The following ANO2 variants were observed in gnomAD, a reference collection of about 807,000 sequenced individuals.
The protein encoded by ANO2 is anoctamin 2.
Under a neutral mutation model 124.2 loss-of-function variants are expected in ANO2, and 101 were observed. The ratio of observed to expected loss-of-function variants is 0.81; its 90% CI spans 0.69 to 0.96. ANO2 has a LOEUF of 0.96. Among genes scored for constraint, ANO2 ranks in the 40% least tolerant of loss-of-function variants. The pLI, the probability that ANO2 is intolerant of heterozygous loss-of-function variation, is 0.00. For missense variants in ANO2, 1,293 were observed against 1,274.5 expected (o/e 1.01, Z -0.22); for synonymous variants, 486 against 482.5 (o/e 1.01, Z -0.09).
rs1295548879 is a variant in ANO2, at chr12:5,769,636, T to C, written c.1056-18666A>G. On this transcript the variant is annotated intron_variant, in intron 10 of 24. Transcript: ENST00000682330. This position sits in a 1 kb window ranked among gnomAD's most constrained non-coding sequence, Gnocchi z 4.0. ...CTACCTGTACATTCCTATCCGTGGG[T>C]GGTGGATGGACCTCCATTAACAGCC... Among the ~76,000 whole-genome samples, 1 of 152,120 alleles carries C rather than the reference T, an allele frequency of 6.6e-6. No homozygotes were observed. The highest frequency in any genetic ancestry group is 1.9e-4 in the East Asian group (1 of 5,188).
At chr12:5,863,496 C>T (rs1283149086) in intron 3 of ANO2, among the ~76,000 whole-genome samples, 2 of 152,162 alleles carry the variant, frequency 1.3e-5, no homozygotes, top group Admixed American at 6.5e-5. Flanking sequence ...CCAAAGCTCT[C>T]TCGGATTGAC....
At chr12:5,630,099 G>A (rs1945636646) in intron 16 of ANO2, among the ~76,000 whole-genome samples, 1 of 152,224 alleles carries the variant, frequency 6.6e-6, no homozygotes, top group African/African-American at 2.4e-5. Flanking sequence ...ATGCTCCCAG[G>A]AAACTGGTCT....
upstream of ANO2, among the ~76,000 whole-genome samples, chr12:5,945,720 A>G (rs1591824450): frequency 6.6e-6 from 1 of 152,216 alleles, no homozygotes. Flanking sequence ...TGGACGGCGG[A>G]TCTCCCACAC....
chr12:5,822,677 G>A (rs1217918301), intron 7 of ANO2, among the ~76,000 whole-genome samples: 3 of 152,194 alleles, frequency 2.0e-5, no homozygotes, highest in Non-Finnish European at 1.5e-5. Context: ...TTCCATCATG[G>A]AAAGGGCAGA....
chr12:5,708,699 G>A (rs1949706063), intron 14 of ANO2, among the ~76,000 whole-genome samples: 1 of 152,172 alleles, frequency 6.6e-6, no homozygotes, highest in Non-Finnish European at 1.5e-5. Context: ...TAAGCCCCAT[G>A]TTATAAAGAT....
At chr12:5,823,736 G>T (rs1319244461) in intron 7 of ANO2, among the ~76,000 whole-genome samples, 1 of 152,260 alleles carries the variant, frequency 6.6e-6, no homozygotes. Flanking sequence ...TAGGGACTCT[G>T]TGTGGAAGCT....
intron 4 of ANO2, among the ~76,000 whole-genome samples, chr12:5,853,406 A>G (rs1040382858): frequency 9.2e-5 from 14 of 152,096 alleles, no homozygotes; most frequent in African/African-American, 3.4e-4. Flanking sequence ...GATGTGCATC[A>G]TCCTGGGGAT....
Position 5,583,424 on chromosome 12 carries a change from C to T in ANO2, c.2234-4906G>A, listed in dbSNP as rs993756550. 2.5e-4 allele frequency among the ~76,000 whole-genome samples: 38 copies of T among 152,064 alleles called. No homozygotes were observed. In the East Asian group the frequency reaches 3.1e-3, roughly 12 times the overall value. ...ATCCCAGCACTTTGGGAGGCCGAGG[C>T]GGGCGGATCACAAGGTCAGGAGATC... On this transcript the variant is annotated intron_variant, in intron 20 of 24. Transcript: ENST00000682330.
At chr12:5,872,897 G>T (rs1937795454) in intron 3 of ANO2, among the ~76,000 whole-genome samples, 2 of 152,248 alleles carry the variant, frequency 1.3e-5, no homozygotes, top group South Asian at 4.1e-4. Flanking sequence ...CACCTTTCAT[G>T]GGACCATTGT....
At chr12:5,892,319 G>A (rs1389145440) in intron 3 of ANO2, among the ~76,000 whole-genome samples, 2 of 152,150 alleles carry the variant, frequency 1.3e-5, no homozygotes, top group African/African-American at 4.8e-5. Context: ...TAATGCCACT[G>A]AAGCTCCAGA....
intron 2 of ANO2, 150 bp from the exon 3 acceptor site, chr12:5,921,516 C>T (rs1941701262): frequency 1.6e-5 from 12 of 756,182 alleles, no homozygotes; most frequent in East Asian, 1.4e-4. Flanking sequence ...GTAAAAGGAC[C>T]GAATGGCCTA....
chr12:5,935,887 C>T (rs560756608), intron 1 of ANO2, among the ~76,000 whole-genome samples: 2 of 152,298 alleles, frequency 1.3e-5, no homozygotes, highest in African/African-American at 4.8e-5. Flanking sequence ...TAGAGAATCA[C>T]TAACAGAGTC....
chr12:5,804,608 G>A (rs377561264), intron 9 of ANO2, among the ~76,000 whole-genome samples: 20 of 152,278 alleles, frequency 1.3e-4, no homozygotes, highest in African/African-American at 4.1e-4. Flanking sequence ...CAGGTGGAGT[G>A]GACCCTGACT....
At chr12:5,853,087 C>A (rs1446313879) in intron 4 of ANO2, among the ~76,000 whole-genome samples, 2 of 151,868 alleles carry the variant, frequency 1.3e-5, no homozygotes, top group South Asian at 2.1e-4. Context: ...TCTGTGAGCA[C>A]ATGCTTCCTT....
At position 5,703,143 on chromosome 12, in the gene ANO2, G is replaced by T. The variant is rs941248777; in HGVS notation, c.1545+29377C>A. On this transcript the variant is annotated intron_variant, in intron 14 of 24. Transcript: ENST00000682330. ...ATAAATGATGGCATATTAATCCATAGAATATGGTAATTCAGTTGAGATGAA... is the reference window on the plus strand; with the variant it reads ...ATAAATGATGGCATATTAATCCATATAATATGGTAATTCAGTTGAGATGAA... 6.6e-5 allele frequency among the ~76,000 whole-genome samples: 10 copies of T among 152,296 alleles called. No homozygotes were observed. In the East Asian group the frequency reaches 1.9e-3, roughly 29 times the overall value.
rs1942046577 is a variant in ANO2, at chr12:5,925,598, C to G, written c.23-2794G>C. Among the ~76,000 whole-genome samples the G allele has an allele frequency of 6.6e-6, 1 of 152,234 alleles. No homozygotes were observed. The stretch of plus-strand genomic sequence containing the variant: ...GGGAAGGGTGAGGCAGGTGAGCACA[C>G]ACCTTGAGAACTCCCTAAGAAGCTT... On this transcript the variant is annotated intron_variant, in intron 1 of 24. Coordinates refer to ENST00000682330, the MANE Select transcript of ANO2 (RefSeq NM_001364791.2). The surrounding 1 kb of genome is among the most constrained non-coding windows in gnomAD (Gnocchi z 4.6).
intron 14 of ANO2, among the ~76,000 whole-genome samples, chr12:5,732,227 T>G (rs1950670673): frequency 6.6e-6 from 1 of 152,116 alleles, no homozygotes; most frequent in South Asian, 2.1e-4. Flanking sequence ...TTATTATTAT[T>G]CAATATTTAG....
rs1947264281 is a variant in ANO2 at position 5,658,316 on chromosome 12, G to T, written c.1546-10515C>A. ...TGGAGATGAAATGAGGTAATGCATGGAATATACATAGAACTGTCCCTGGCA... is the reference window on the plus strand; with the variant it reads ...TGGAGATGAAATGAGGTAATGCATGTAATATACATAGAACTGTCCCTGGCA... On this transcript the variant is annotated intron_variant, in intron 14 of 24. Coordinates refer to ENST00000682330, the MANE Select transcript of ANO2 (RefSeq NM_001364791.2). The surrounding 1 kb of genome is among the most constrained non-coding windows in gnomAD (Gnocchi z 4.3). Among the ~76,000 whole-genome samples, 1 of 152,156 alleles carries T rather than the reference G, an allele frequency of 6.6e-6. No individual in the cohort carries two copies. Among genetic ancestry groups the T allele is most frequent in the Non-Finnish European group, 1.5e-5 (1 of 68,030 alleles).
At position 5,626,695 on chromosome 12, in the gene ANO2, CAAG is replaced by C. The variant is rs1373577303; in HGVS notation, c.1816+8454_1816+8456del. On this transcript the variant is annotated intron_variant, in intron 16 of 24. Transcript: ENST00000682330. ...GCCCTTACTCACAGCAGTGAAGAGACAAGGAGAGGAAATGGCATGGCTGATGCC... is the reference window on the plus strand; with the variant it reads ...GCCCTTACTCACAGCAGTGAAGAGACGAGAGGAAATGGCATGGCTGATGCC... Among the ~76,000 whole-genome samples the C allele has an allele frequency of 5.3e-5, 8 of 152,232 alleles. No individual in the cohort carries two copies. The South Asian group carries it at 1.5e-3, about 28-fold the overall frequency.
Sources: gnomAD v4.1 joint callset for allele counts (sites outside exome capture counted in the v4.1 genomes callset) on GRCh38, gnomAD v4.1.1 for gene constraint, Gnocchi (gnomAD v3.1) non-coding constraint, MANE v1.5 for transcripts, NCBI Gene and HGNC (gene_info 2026-07-23, HGNC 2026-07-21) for gene names.